Variants in UBXN2A observed in about 807,000 individuals in gnomAD.
The protein encoded by UBXN2A is UBX domain protein 2A.
UBXN2A carries 28 observed loss-of-function variants against 28.4 expected under a neutral mutation model. The observed-to-expected ratio is 0.99, with a 90% CI of 0.73 to 1.35. The LOEUF (loss-of-function observed/expected upper bound fraction) is 1.35. UBXN2A is among the 40% of genes most tolerant of loss of function. UBXN2A has a pLI of 0.00. For synonymous variants in UBXN2A, 97 were observed against 103.6 expected (o/e 0.94, Z 0.39); for missense variants, 253 against 297.9 (o/e 0.85, Z 1.11).
rs144257531 is a variant in UBXN2A at position 23,941,612 on chromosome 2, T to C, written c.-15+964T>C. On this transcript the variant is annotated intron_variant, in intron 1 of 6. Coordinates refer to ENST00000309033, the MANE Select transcript of UBXN2A (RefSeq NM_181713.4). ...TGGGCACTGTGGAGGGTACTTTACT[T>C]GCATTTTAATTTAATAATGTATAAT... Among the ~76,000 whole-genome samples, 84 of 152,342 alleles carry C rather than the reference T, an allele frequency of 5.5e-4. 1 individual carries two copies. In the East Asian group the frequency reaches 0.012, roughly 21 times the overall value.
At chr2:23,965,919 C>T (rs1205319353) in intron 2 of UBXN2A, among the ~76,000 whole-genome samples, 1 of 151,876 alleles carries the variant, frequency 6.6e-6, no homozygotes, top group Non-Finnish European at 1.5e-5. Context: ...TTATCTGTTC[C>T]TTCTTGTGTG....
chr2:23,964,388 T>G (rs1236767396), intron 2 of UBXN2A, among the ~76,000 whole-genome samples: 1 of 152,150 alleles, frequency 6.6e-6, no homozygotes, highest in Non-Finnish European at 1.5e-5. Context: ...TTTTGTATTT[T>G]TAGTAGGGAC....
chr2:23,965,724 G>A (rs1016951862), intron 2 of UBXN2A, among the ~76,000 whole-genome samples: 9 of 152,188 alleles, frequency 5.9e-5, no homozygotes, highest in South Asian at 2.1e-4. Context: ...TGTTATCCTC[G>A]TAGAATGAGT....
intron 3 of UBXN2A, among the ~76,000 whole-genome samples, chr2:23,972,702 A>G (rs1193396923): frequency 6.6e-6 from 1 of 151,870 alleles, no homozygotes; most frequent in African/African-American, 2.4e-5. Context: ...CGTGCCTGTA[A>G]TCCCAGCTAC....
At chr2:23,971,142 T>C in intron 2 of UBXN2A, 134 bp from the exon 3 acceptor site, 1 of 981,296 alleles carries the variant, frequency 1.0e-6, no homozygotes, top group Non-Finnish European at 1.4e-6. Flanking sequence ...CCCAAGGTTA[T>C]ATTAACTTAG....
chr2:23,968,894 C>CTTTTTTTTT (rs551302005), intron 2 of UBXN2A: 5 of 130,610 alleles, frequency 3.8e-5, no homozygotes, highest in Non-Finnish European at 8.2e-5. Context: ...TTTCTTTTTT[C>CTTTTTTTTT]TTTTTTTTTT....
intron 2 of UBXN2A, among the ~76,000 whole-genome samples, chr2:23,965,550 G>T (rs761067970): frequency 2.0e-5 from 3 of 152,112 alleles, no homozygotes; most frequent in Non-Finnish European, 4.4e-5. Context: ...CTGCAGCCTC[G>T]CATACCTAGG....
intron 4 of UBXN2A, 99 bp downstream of exon 4, chr2:23,977,174 G>A: frequency 1.1e-6 from 1 of 882,164 alleles, no homozygotes; most frequent in Non-Finnish European, 1.8e-6. Context: ...GGCCAGCCGG[G>A]GAACATAGCC....
intron 1 of UBXN2A, among the ~76,000 whole-genome samples, chr2:23,951,680 C>T (rs1476774134): frequency 2.0e-5 from 3 of 151,776 alleles, no homozygotes; most frequent in Admixed American, 6.6e-5. Flanking sequence ...AAGCTGGTCT[C>T]GAACTCCTGG....
intron 5 of UBXN2A, among the ~76,000 whole-genome samples, chr2:23,983,260 CTT>C (rs1707988018): frequency 6.6e-6 from 1 of 152,162 alleles, no homozygotes; most frequent in East Asian, 1.9e-4. Context: ...AATCCCAGCA[CTT>C]TGGGAGGCCA....
At chr2:23,977,349 G>A (rs1297955292) in intron 4 of UBXN2A, 1 of 176,548 alleles carries the variant, frequency 5.7e-6, no homozygotes. Context: ...GGCGGGGGTC[G>A]GGGGGGTGGG....
At chr2:23,931,722 G>C (rs979858677) in intron 1 of UBXN2A, among the ~76,000 whole-genome samples, 4 of 152,034 alleles carry the variant, frequency 2.6e-5, no homozygotes, top group Non-Finnish European at 4.4e-5. Flanking sequence ...TCTGCGTGAA[G>C]AAATGCAAGG....
rs528826728 is a variant in UBXN2A, at chr2:23,961,452, G to C, written c.41+3097G>C. On this transcript the variant is annotated intron_variant, in intron 2 of 6. Transcript: ENST00000309033. ...AAAGTACACAAAAATATTGGTGATA[G>C]TTTATAATTTTCTTTGTAACAAAAG... Among the ~76,000 whole-genome samples, 11 of 146,682 alleles carry C rather than the reference G, an allele frequency of 7.5e-5. No homozygotes were observed. The East Asian group carries it at 2.3e-3, about 31-fold the overall frequency.
chr2:23,950,609 G>A (rs1188232043), intron 1 of UBXN2A, among the ~76,000 whole-genome samples: 1 of 151,982 alleles, frequency 6.6e-6, no homozygotes, highest in Admixed American at 6.6e-5. Context: ...TCACCATGTT[G>A]GCTGGGTTGG....
intron 1 of UBXN2A, among the ~76,000 whole-genome samples, chr2:23,955,253 G>T (rs1428323027): frequency 6.6e-6 from 1 of 151,938 alleles, no homozygotes; most frequent in Non-Finnish European, 1.5e-5. Flanking sequence ...TTTTTAAGTT[G>T]CCATTTTCTT....
chr2:23,998,187 C>T (rs1708612898), intron 6 of UBXN2A, among the ~76,000 whole-genome samples: 1 of 152,134 alleles, frequency 6.6e-6, no homozygotes, highest in Non-Finnish European at 1.5e-5. Flanking sequence ...GTCATTTCCA[C>T]TTTCTAGTTT....
In UBXN2A at chr2:24,001,363, A is replaced by C. The variant is rs1708721524; in HGVS notation, c.*1496A>C. 6.6e-6 allele frequency: 1 copy of C among 152,232 alleles called. No homozygotes were observed. The highest frequency in any genetic ancestry group is 1.5e-5 in the Non-Finnish European group (1 of 68,040). 9.4% of individuals were successfully genotyped at this position (152,232 alleles called of 1,614,324 possible). ...TTATTTCATTTTGATATCACGAAGA[A>C]AAACAGGCTTTATATCTCAGACTTT... On this transcript the variant is annotated 3_prime_UTR_variant, in exon 7 of 7. Transcript: ENST00000309033.
At chr2:23,998,796 C>G (rs1315929415) in intron 6 of UBXN2A, among the ~76,000 whole-genome samples, 1 of 152,040 alleles carries the variant, frequency 6.6e-6, no homozygotes, top group Non-Finnish European at 1.5e-5. Flanking sequence ...GTGACATGAT[C>G]TCAGCTCACT....
At chr2:23,951,306 A>G (rs1416460478) in intron 1 of UBXN2A, among the ~76,000 whole-genome samples, 1 of 151,344 alleles carries the variant, frequency 6.6e-6, no homozygotes, top group Non-Finnish European at 1.5e-5. Flanking sequence ...TATGTATCCC[A>G]AGCACCTAGA....
Sources: allele counts gnomAD v4.1 joint callset (sites outside exome capture counted in the v4.1 genomes callset), GRCh38; gene constraint gnomAD v4.1.1; transcripts MANE v1.5; gene names NCBI Gene and HGNC (gene_info 2026-07-23, HGNC 2026-07-21).